Variants in PCNP observed in about 807,000 individuals in gnomAD.
PCNP encodes the protein PEST proteolytic signal containing nuclear protein.
Under a neutral mutation model 21.8 loss-of-function variants are expected in PCNP, and 6 were observed. The ratio of observed to expected loss-of-function variants is 0.28; its 90% CI spans 0.15 to 0.54. PCNP has a LOEUF of 0.54. PCNP is among the 20% of genes least tolerant of loss of function. The pLI is 0.95. For synonymous variants in PCNP, 67 were observed against 73.2 expected (o/e 0.92, Z 0.43); for missense variants, 161 against 215.5 (o/e 0.75, Z 1.58).
At chr3:101,579,510 TGTA>T (rs2108275691) in intron 1 of PCNP, 1 of 570,814 alleles carries the variant, frequency 1.8e-6, no homozygotes, top group Non-Finnish European at 3.3e-6. Flanking sequence ...TTGTACAAAT[TGTA>T]GTGTTTAGTT....
At chr3:101,586,434 A>ACT (rs1001762013) in intron 3 of PCNP, among the ~76,000 whole-genome samples, 58 of 151,876 alleles carry the variant, frequency 3.8e-4, no homozygotes, top group South Asian at 2.5e-3. Context: ...TTTGTACTAG[A>ACT]CTCTGACATT....
rs1456659740 is a variant in PCNP at position 101,591,770 on chromosome 3, T to G, written c.411-857T>G. 8.5e-5 allele frequency among the ~76,000 whole-genome samples: 4 copies of G among 47,234 alleles called. No homozygotes were observed. In the South Asian group the frequency reaches 2.1e-3, roughly 25 times the overall value. The allele number at this position is 47,234 out of a possible 152,430, so 31.0% of individuals were successfully genotyped here. Reference sequence around the variant, plus strand: ...TTTTTTTGTTTTGATTTTGGTGTTTTTTTTTTTTTTTTTTTTTTTAAGACA... The same window carrying G: ...TTTTTTTGTTTTGATTTTGGTGTTTGTTTTTTTTTTTTTTTTTTTAAGACA... On this transcript the variant is annotated intron_variant, in intron 4 of 4. Transcript: ENST00000265260.
intron 2 of PCNP, among the ~76,000 whole-genome samples, chr3:101,583,521 TG>T (rs1361273224): frequency 3.3e-5 from 5 of 152,028 alleles, no homozygotes; most frequent in Non-Finnish European, 4.4e-5. Flanking sequence ...GAGGCTGAGG[TG>T]GGAGGATCAC....
intron 3 of PCNP, among the ~76,000 whole-genome samples, chr3:101,588,488 A>G (rs1935649792): frequency 6.6e-6 from 1 of 152,318 alleles, no homozygotes; most frequent in South Asian, 2.1e-4. Flanking sequence ...AAACACATGT[A>G]TCCGAAATCA....
chr3:101,592,166 GTTTTTTGT>G (rs956443184), intron 4 of PCNP, among the ~76,000 whole-genome samples: 14 of 151,194 alleles, frequency 9.3e-5, no homozygotes, highest in Admixed American at 9.2e-4. Flanking sequence ...TGTGTTTTTT[GTTTTTTGT>G]TTTTTTGTTT....
At chr3:101,581,509 C>T (rs1935219318) in intron 2 of PCNP, among the ~76,000 whole-genome samples, 1 of 152,104 alleles carries the variant, frequency 6.6e-6, no homozygotes, top group Non-Finnish European at 1.5e-5. Context: ...TCTCGGCTCA[C>T]TGCAACCTCT....
intron 3 of PCNP, chr3:101,589,739 T>C (rs1935711524): frequency 6.1e-6 from 1 of 164,126 alleles, no homozygotes; most frequent in African/African-American, 2.4e-5. Flanking sequence ...ATGTCTTTAT[T>C]GTAGTAGATA....
At chr3:101,584,997 C>G (rs574045448) in intron 2 of PCNP, among the ~76,000 whole-genome samples, 2 of 152,152 alleles carry the variant, frequency 1.3e-5, no homozygotes, top group Admixed American at 6.5e-5. Flanking sequence ...GAGCAAGACT[C>G]TGTTCTCAAA....
chr3:101,586,976 G>A (rs539359472), intron 3 of PCNP, among the ~76,000 whole-genome samples: 126 of 152,226 alleles, frequency 8.3e-4, no homozygotes, highest in Non-Finnish European at 1.2e-3. Context: ...TTCTGTGGCC[G>A]CGCGCAGTGG....
intron 2 of PCNP, among the ~76,000 whole-genome samples, chr3:101,581,888 G>T (rs955029180): frequency 1.3e-5 from 2 of 151,432 alleles, no homozygotes; most frequent in Admixed American, 1.3e-4. Flanking sequence ...TTACAGGCAT[G>T]CACCACCACG....
intron 4 of PCNP, among the ~76,000 whole-genome samples, chr3:101,591,861 T>C (rs1016564551): frequency 4.8e-5 from 7 of 145,318 alleles, no homozygotes; most frequent in African/African-American, 7.6e-5. Flanking sequence ...AGCCTTGACC[T>C]CCTGGGCTCA....
Position 101,577,258 on chromosome 3 carries a change from A to C in PCNP, c.65-2532A>C, listed in dbSNP as rs114975370. 7.1e-3 allele frequency among the ~76,000 whole-genome samples: 1,080 copies of C among 152,348 alleles called. 11 individuals carry two copies. The highest frequency in any genetic ancestry group is 0.024 in the African/African-American group (985 of 41,582). Reference sequence around the variant, plus strand: ...AGCTGTTTGAAATAATGTTAGGAGAAATAATGTTAAGAAAAATGTTAAAGA... The same window carrying C: ...AGCTGTTTGAAATAATGTTAGGAGACATAATGTTAAGAAAAATGTTAAAGA... On this transcript the variant is annotated intron_variant, in intron 1 of 4. Transcript: ENST00000265260.
intron 3 of PCNP, among the ~76,000 whole-genome samples, chr3:101,589,402 T>C (rs1447605972): frequency 3.4e-5 from 4 of 118,808 alleles, no homozygotes; most frequent in African/African-American, 1.2e-4. Flanking sequence ...AAGTAAGGAA[T>C]GAGCTCTCTT....
chr3:101,586,571 T>TGTGTGTGTGTGTGTGTGTGTGAGA, intron 3 of PCNP, among the ~76,000 whole-genome samples: 1 of 114,142 alleles, frequency 8.8e-6, no homozygotes, highest in African/African-American at 3.0e-5. Context: ...TGTGTGTGTG[T>TGTGTGTGTGTGTGTGTGTGTGAGA]GAGAGAGAGA....
chr3:101,593,098 A>T lies in PCNP; in HGVS notation c.*345A>T. ...GAAGCAAAGTTACTGTCTATTTAAA[A>T]CTGCAAGCAGTTAACTCTCTTAACT... is the stretch of plus-strand genomic sequence containing the variant. On this transcript the variant is annotated 3_prime_UTR_variant, in exon 5 of 5. Transcript: ENST00000265260. The T allele has an allele frequency of 6.2e-6, 1 of 161,842 alleles. No individual in the cohort carries two copies. The highest frequency in any genetic ancestry group is 1.3e-5 in the Non-Finnish European group (1 of 74,418). 10.0% of individuals were successfully genotyped at this position (161,842 alleles called of 1,614,324 possible).
intron 1 of PCNP, among the ~76,000 whole-genome samples, chr3:101,574,594 A>G (rs1046046404): frequency 6.6e-6 from 1 of 152,014 alleles, no homozygotes; most frequent in Non-Finnish European, 1.5e-5. Context: ...GCGGCGGTGC[A>G]GGAGCCGCTA....
At chr3:101,591,307 A>T (rs1464511562) in intron 4 of PCNP, among the ~76,000 whole-genome samples, 1 of 152,146 alleles carries the variant, frequency 6.6e-6, no homozygotes, top group Non-Finnish European at 1.5e-5. Flanking sequence ...TACCACCTCA[A>T]CCCCATACTA....
intron 3 of PCNP, chr3:101,590,006 T>G: frequency 2.0e-6 from 1 of 506,934 alleles, no homozygotes. Flanking sequence ...TCAGCAGTTT[T>G]TTTTCTTTAT....
rs536009018 is a variant in PCNP at position 101,576,588 on chromosome 3, A to T, written c.64+2309A>T. ...GGCCCCAGAAGTGACGCAGCCCTCTATGGGCCCGAATCTTCTTCAGTCGCT... is the reference window on the plus strand; with the variant it reads ...GGCCCCAGAAGTGACGCAGCCCTCTTTGGGCCCGAATCTTCTTCAGTCGCT... On this transcript the variant is annotated intron_variant, in intron 1 of 4. Transcript: ENST00000265260. 33 of 1,596,320 alleles carry T rather than the reference A, an allele frequency of 2.1e-5. No individual in the cohort carries two copies. The African/African-American group carries it at 3.9e-4, about 19-fold the overall frequency.
Sources: gnomAD v4.1 joint callset for allele counts (sites outside exome capture counted in the v4.1 genomes callset) on GRCh38, gnomAD v4.1.1 for gene constraint, MANE v1.5 for transcripts, NCBI Gene and HGNC (gene_info 2026-07-23, HGNC 2026-07-21) for gene names.